The following VPS13C variants were observed in gnomAD, a reference collection of about 807,000 sequenced individuals.
The protein encoded by VPS13C is vacuolar protein sorting 13 homolog C, also known as intermembrane lipid transfer protein VPS13C.
A neutral mutation model predicts 456.8 loss-of-function variants in VPS13C; 358 were observed. That is an observed-to-expected ratio of 0.78 (90% confidence interval 0.72 to 0.86). VPS13C has a LOEUF of 0.86. Among genes scored for constraint, VPS13C ranks in the 40% least tolerant of loss-of-function variants. The pLI is 0.00. For missense variants in VPS13C, 4,818 were observed against 4,385.4 expected, an observed-to-expected ratio of 1.10 and a Z score of -2.79; for synonymous variants, 1,578 against 1,486.7, an observed-to-expected ratio of 1.06 and a Z score of -1.41.
chr15:62,049,398 A>G (rs962398311), intron 1 of VPS13C, among the ~76,000 whole-genome samples: 3 of 152,338 alleles, frequency 2.0e-5, no homozygotes, highest in Admixed American at 6.5e-5. Flanking sequence ...AGGTTTGTCA[A>G]ATATCAGATG....
At chr15:61,908,434 A>G (rs1428500930) in intron 65 of VPS13C, among the ~76,000 whole-genome samples, 2 of 152,010 alleles carry the variant, frequency 1.3e-5, no homozygotes, top group African/African-American at 4.8e-5. Flanking sequence ...CCATTAAATA[A>G]TGACATCATC....
At chr15:61,883,066 T>C (rs1421605117) in intron 68 of VPS13C, among the ~76,000 whole-genome samples, 1 of 152,052 alleles carries the variant, frequency 6.6e-6, no homozygotes. Context: ...GGCATCTTGC[T>C]GTCACAAGTG....
At chr15:61,961,937 G>C (rs2045222492) in intron 34 of VPS13C, 44 bp from the exon 35 acceptor site, 1 of 1,547,024 alleles carries the variant, frequency 6.5e-7, no homozygotes, top group Non-Finnish European at 8.7e-7. Context: ...AGAGAATACA[G>C]GCACATCAAT....
rs1418466921 is a variant in VPS13C at position 61,917,345 on chromosome 15, A to G, written c.8051T>C (p.Leu2684Pro). 3.7e-6 allele frequency: 6 copies of G among 1,611,336 alleles called. No homozygotes were observed. The highest frequency in any genetic ancestry group is 2.2e-5 in the East Asian group (1 of 44,800). The change falls in exon 60 of 85, where the codon CTT becomes CCT. Residue 2684 changes from leucine (L) to proline (P), a missense_variant. By Grantham distance (98) the Leu-to-Pro change is moderately conservative. This residue lies in a region of VPS13C where 4,552 missense variants were observed against 4,130.6 expected (regional missense o/e 1.10). Transcript: ENST00000644861. ...AACAAAATGCAAGAGACATACCTCA[A>G]GTAAATATCTTAGGGAATATGGGAG... ...NLLPYSLRYLLEGTAETHELA... is the reference protein window; with the variant it reads ...NLLPYSLRYLPEGTAETHELA...
rs115871350 is a variant in VPS13C at position 61,982,559 on chromosome 15, T to G, written c.1929A>C (p.Ala643=). 15,047 of 1,605,036 alleles carry G rather than the reference T, an allele frequency of 9.4e-3. 85 individuals are homozygous for G. The highest frequency in any genetic ancestry group is 0.011 in the Non-Finnish European group (12,820 of 1,177,558). ...TATTTGATTGAAAGAATTCAACCAC[T>G]GCATTGACAGTTTTCTATAAGAAAA... ...EVIYDAKTVN[A]VVEFFQSNKG... Residue 643 remains alanine (A), a synonymous_variant, in exon 21 of 85, where the codon GCA becomes GCC. Transcript: ENST00000644861.
intron 17 of VPS13C, 96 bp from the exon 18 acceptor site, chr15:61,991,190 G>C: frequency 1.1e-6 from 1 of 947,998 alleles, no homozygotes; most frequent in South Asian, 1.6e-5. Flanking sequence ...AAAATCAACA[G>C]ACACAAATGC....
At chr15:61,991,624 T>A (rs762838913) in intron 17 of VPS13C, 49 bp downstream of exon 17, 1 of 1,529,232 alleles carries the variant, frequency 6.5e-7, no homozygotes, top group Non-Finnish European at 8.8e-7. Context: ...TTTACACAGT[T>A]TTTTTTTAAC....
chr15:61,982,504 C>A lies in VPS13C; in HGVS notation c.1984G>T (p.Ala662Ser), dbSNP rs1376098421. ...ATTTCTTCCAGCTTCATCAATGTTGCTGATGTTATTTGCTCAAGATCCAAT... is the reference window on the plus strand; with the variant it reads ...ATTTCTTCCAGCTTCATCAATGTTGATGATGTTATTTGCTCAAGATCCAAT... ...KGLDLEQITSATLMKLEEIKE... is the reference protein window; with the variant it reads ...KGLDLEQITSSTLMKLEEIKE... The change falls in exon 21 of 85, where the codon GCA (alanine) becomes TCA (serine). Residue 662 changes from alanine to serine, a missense_variant. Physicochemically the swap from Ala to Ser is moderately conservative, Grantham distance 99 (BLOSUM62 1). Around this residue, in one of 3 missense-constraint regions of VPS13C, gnomAD observed 4,552 missense variants for 4,130.6 expected, o/e 1.10. Coordinates refer to ENST00000644861, the MANE Select transcript of VPS13C (RefSeq NM_020821.3). The A allele has an allele frequency of 1.2e-6, 2 of 1,609,790 alleles. No homozygotes were observed. The highest frequency in any genetic ancestry group is 1.7e-6 in the Non-Finnish European group (2 of 1,178,606).
At chr15:61,953,445 T>C (rs1254574194) in intron 38 of VPS13C, among the ~76,000 whole-genome samples, 2 of 141,558 alleles carry the variant, frequency 1.4e-5, no homozygotes, top group African/African-American at 5.3e-5. Flanking sequence ...TGTGTCCATG[T>C]GTCCTCATTG....
Position 61,907,494 on chromosome 15 carries a change from G to A in VPS13C, c.8979-104C>T, listed in dbSNP as rs1049464039. ...ATTAGCACAGAAGTCCTACGAAATTGCTGTGGTTAATAAAACACAACTCTA... is the reference window on the plus strand; with the variant it reads ...ATTAGCACAGAAGTCCTACGAAATTACTGTGGTTAATAAAACACAACTCTA... On this transcript the variant is annotated intron_variant, in intron 65 of 84. Coordinates refer to ENST00000644861, the MANE Select transcript of VPS13C (RefSeq NM_020821.3). 4.3e-6 allele frequency: 6 copies of A among 1,411,150 alleles called. No homozygotes were observed. The African/African-American group carries it at 7.2e-5, about 17-fold the overall frequency. The allele number at this position is 1,411,150 out of a possible 1,614,324, so 87.4% of individuals were successfully genotyped here. A position where few individuals can be genotyped will look rare whatever the true frequency, so the allele number is the denominator to read the frequency against.
Position 61,954,573 on chromosome 15 carries a change from A to C in VPS13C, c.4166-19T>G. On this transcript the variant is annotated intron_variant, in intron 37 of 84. Coordinates refer to ENST00000644861, the MANE Select transcript of VPS13C (RefSeq NM_020821.3). The stretch of plus-strand genomic sequence containing the variant: ...ATTTCACCTGAAATGTTTAAAAGAA[A>C]TTCATTACTTTTATTCACAAATTTC... 6.4e-7 allele frequency: 1 copy of C among 1,567,336 alleles called. No homozygotes were observed. Among genetic ancestry groups the C allele is most frequent in the Non-Finnish European group, 8.6e-7 (1 of 1,162,488 alleles).
intron 66 of VPS13C, among the ~76,000 whole-genome samples, chr15:61,905,715 T>G (rs1393419868): frequency 1.3e-5 from 2 of 152,176 alleles, no homozygotes; most frequent in African/African-American, 4.8e-5. Context: ...CATTTTCTCA[T>G]TGTTTTGAAA....
chr15:61,926,425 C>T (rs562464858), intron 52 of VPS13C, among the ~76,000 whole-genome samples: 112 of 152,192 alleles, frequency 7.4e-4, no homozygotes, highest in Middle Eastern at 3.4e-3. Flanking sequence ...TTAGGAAGAG[C>T]TAATTGATAT....
At chr15:62,050,958 G>T (rs2048598630) in intron 1 of VPS13C, among the ~76,000 whole-genome samples, 1 of 151,282 alleles carries the variant, frequency 6.6e-6, no homozygotes, top group African/African-American at 2.4e-5. Context: ...AGAAATAGTT[G>T]CTAGTTATAG....
chr15:61,969,766 T>C (rs536720743), intron 27 of VPS13C, among the ~76,000 whole-genome samples: 1 of 152,180 alleles, frequency 6.6e-6, no homozygotes, highest in Non-Finnish European at 1.5e-5. Context: ...GCAAAAATCA[T>C]GTTTAGTAAT....
At position 61,912,000 on chromosome 15, in the gene VPS13C, C is replaced by G; in HGVS notation, c.8555G>C (p.Gly2852Ala). ...CPANNMEYLVGVSIKMSSFNL... is the reference protein window; with the variant it reads ...CPANNMEYLVAVSIKMSSFNL... ...GAAACTGCTCATTTTGATGCTAACA[C>G]CAACCTGTGGAAAGGAAAAAAGCTT... is the stretch of plus-strand genomic sequence containing the variant. The change falls in exon 63 of 85, where the codon GGT becomes GCT. Residue 2852 changes from glycine to alanine, a missense_variant. Physicochemically the swap from Gly to Ala is moderately conservative, Grantham distance 60. Coordinates refer to ENST00000644861, the MANE Select transcript of VPS13C (RefSeq NM_020821.3). 1.9e-6 allele frequency: 3 copies of G among 1,588,412 alleles called. No individual in the cohort carries two copies. Among genetic ancestry groups the G allele is most frequent in the South Asian group, 1.2e-5 (1 of 84,696 alleles).
At chr15:61,863,715 G>A in intron 81 of VPS13C, 187 bp from the exon 82 acceptor site, 1 of 420,416 alleles carries the variant, frequency 2.4e-6, no homozygotes, top group South Asian at 5.1e-5. Context: ...AACTTCCACT[G>A]TTGCCTTAAA....
intron 82 of VPS13C, among the ~76,000 whole-genome samples, chr15:61,861,298 C>T (rs1218248670): frequency 1.3e-5 from 2 of 151,936 alleles, no homozygotes; most frequent in Non-Finnish European, 1.5e-5. Context: ...ACTGGGGTGG[C>T]CAAACTGTGC....
Position 61,981,452 on chromosome 15 carries a change from T to C in VPS13C, c.2056A>G (p.Lys686Glu), listed in dbSNP as rs2045884144. ...TGLTHIIETR[K>E]VLDLRINLKP... ...AGATTTATCCTTAAATCAAGGACTT[T>C]TCGAGTTTCAATAATATGTGTAAGT... Residue 686 changes from lysine to glutamate, a missense_variant, in exon 22 of 85, where the codon AAA becomes GAA. Lys to Glu is a moderately conservative substitution (Grantham distance 56). Around this residue, in one of 3 missense-constraint regions of VPS13C, gnomAD observed 4,552 missense variants for 4,130.6 expected, o/e 1.10. Transcript: ENST00000644861. 1 of 1,610,496 alleles carries C rather than the reference T, an allele frequency of 6.2e-7. No homozygotes were observed.
Sources: gnomAD v4.1 joint callset for allele counts (sites outside exome capture counted in the v4.1 genomes callset) on GRCh38, gnomAD v4.1.1 for gene constraint, gnomAD v4.1.1 regional missense constraint, MANE v1.5 for transcripts, NCBI Gene and HGNC (gene_info 2026-07-23, HGNC 2026-07-21) for gene names.